Variants in SCLY observed in about 807,000 individuals in gnomAD.
The protein encoded by SCLY is putative selenocysteine lyase.
SCLY carries 38 observed loss-of-function variants against 50.1 expected under a neutral mutation model. The ratio of observed to expected loss-of-function variants is 0.76; its 90% CI spans 0.59 to 0.99. The LOEUF is 0.99. Among genes scored for constraint, SCLY ranks in the 50% least tolerant of loss-of-function variants. The pLI, the probability that SCLY is intolerant of heterozygous loss-of-function variation, is 0.00. For synonymous variants in SCLY, 243 were observed against 249.4 expected (o/e 0.97, Z 0.24); for missense variants, 600 against 620.0 (o/e 0.97, Z 0.34).
At chr2:238,075,577 C>T (rs1159106259) in intron 4 of SCLY, among the ~76,000 whole-genome samples, 5 of 152,114 alleles carry the variant, frequency 3.3e-5, no homozygotes, top group Non-Finnish European at 7.4e-5. Flanking sequence ...TGTTCAGGCT[C>T]TATCTCTTTT....
rs367556253 is a variant in SCLY, at chr2:238,082,120, G to A, written c.688G>A (p.Val230Met). 41 of 1,613,230 alleles carry A rather than the reference G, an allele frequency of 2.5e-5. No homozygotes were observed. The highest frequency in any genetic ancestry group is 1.3e-4 in the Admixed American group (8 of 60,004). ...RVAAGLPPILVHTDAAQALGK... is the reference protein window; with the variant it reads ...RVAAGLPPILMHTDAAQALGK... ...GGCAGCTGGGCTACCTCCCATCCTC[G>A]TGCACACGGATGCTGCACAGGCCTT... Residue 230 changes from valine to methionine, a missense_variant, in exon 6 of 12, where the codon GTG becomes ATG. Val to Met is a conservative substitution (Grantham distance 21). Transcript: ENST00000254663.
At chr2:238,079,529 C>T (rs1382747758) in intron 4 of SCLY, 1 of 152,188 alleles carries the variant, frequency 6.6e-6, no homozygotes, top group Non-Finnish European at 1.5e-5. Context: ...ATTCTGCTCC[C>T]TCCCACCTCC....
chr2:238,098,358 C>T lies in SCLY; in HGVS notation c.*3C>T. On this transcript the variant is annotated 3_prime_UTR_variant, in exon 12 of 12. Coordinates refer to ENST00000254663, the MANE Select transcript of SCLY (RefSeq NM_016510.7). ...CGCAGCTGGAGGACCAGGCCTAGCA[C>T]TGGGGCCGCCTTCCCCACCCCGCTT... The T allele has an allele frequency of 1.3e-6, 2 of 1,585,426 alleles. No homozygotes were observed. Among genetic ancestry groups the T allele is most frequent in the Non-Finnish European group, 1.7e-6 (2 of 1,168,490 alleles).
chr2:238,061,396 CA>C (rs1335805881), intron 1 of SCLY: 1 of 656,970 alleles, frequency 1.5e-6, no homozygotes, highest in African/African-American at 1.8e-5. Flanking sequence ...GTGAGGTTTG[CA>C]GGTTCTGGGG....
intron 8 of SCLY, chr2:238,093,260 G>C (rs549559494): frequency 6.5e-6 from 1 of 154,108 alleles, no homozygotes; most frequent in Admixed American, 6.4e-5. Flanking sequence ...TTTTCCACAC[G>C]GCCACAGAAT....
chr2:238,062,014 G>C (rs897694631), intron 1 of SCLY, among the ~76,000 whole-genome samples: 5 of 152,136 alleles, frequency 3.3e-5, no homozygotes, highest in Admixed American at 3.3e-4. Flanking sequence ...CAAAGTGAAG[G>C]GATCTGGGAA....
chr2:238,096,947 C>G, intron 11 of SCLY, 71 bp downstream of exon 11: 1 of 1,413,896 alleles, frequency 7.1e-7, no homozygotes, highest in Non-Finnish European at 9.6e-7. Flanking sequence ...GGGCAGGCGG[C>G]AGGATCCGGC....
chr2:238,087,563 C>A (rs1471635456), intron 7 of SCLY, among the ~76,000 whole-genome samples: 2 of 152,152 alleles, frequency 1.3e-5, no homozygotes, highest in East Asian at 3.8e-4. Flanking sequence ...TTAGAGAATT[C>A]TATCGAAGAA....
chr2:238,079,593 CAT>C (rs1179195055), intron 4 of SCLY: 8 of 152,236 alleles, frequency 5.3e-5, no homozygotes, highest in Non-Finnish European at 8.8e-5. Context: ...TAATTATATA[CAT>C]GTTATTTTAT....
At position 238,094,434 on chromosome 2, in the gene SCLY, G is replaced by A; in HGVS notation, c.1020G>A (p.Gln340=). The change falls in exon 10 of 12, where the codon CAG becomes CAA. Residue 340 remains glutamine (Q), a synonymous_variant. Transcript: ENST00000254663. ...ATTTTTTTCAGGCTGAATTCGGTCA[G>A]AAGAGAATCCATCTGAATAGCCAGT... ...LEERLEAEFG[Q]KRIHLNSQFP... is the part of the protein sequence containing the mutation. The A allele has an allele frequency of 2.5e-6, 4 of 1,613,998 alleles. No individual in the cohort carries two copies. The highest frequency in any genetic ancestry group is 3.4e-6 in the Non-Finnish European group (4 of 1,179,890).
intron 4 of SCLY, chr2:238,080,207 CT>C (rs1240094407): frequency 1.3e-5 from 2 of 152,172 alleles, no homozygotes; most frequent in Non-Finnish European, 2.9e-5. Context: ...TTCTTTATCT[CT>C]TTAAGTACAG....
rs1313309436 is a variant in SCLY at position 238,067,704 on chromosome 2, C to T, written c.203-361C>T. On this transcript the variant is annotated intron_variant, in intron 2 of 11. Coordinates refer to ENST00000254663, the MANE Select transcript of SCLY (RefSeq NM_016510.7). The surrounding 1 kb of genome is among the most constrained non-coding windows in gnomAD (Gnocchi z 4.3). Reference sequence around the variant, plus strand: ...GCAACTCATTCCATCCTTTCATTCTCCTCTCTTGATGAATGGGAAGCAAGG... The same window carrying T: ...GCAACTCATTCCATCCTTTCATTCTTCTCTCTTGATGAATGGGAAGCAAGG... Among the ~76,000 whole-genome samples the T allele has an allele frequency of 2.0e-5, 3 of 152,232 alleles. No homozygotes were observed. Among genetic ancestry groups the T allele is most frequent in the African/African-American group, 7.2e-5 (3 of 41,464 alleles).
chr2:238,077,919 C>T (rs959121107), intron 4 of SCLY, among the ~76,000 whole-genome samples: 3 of 151,854 alleles, frequency 2.0e-5, no homozygotes, highest in Admixed American at 6.6e-5. Flanking sequence ...GCCCAAGATC[C>T]CTGAACAAGA....
intron 10 of SCLY, 97 bp from the exon 11 acceptor site, chr2:238,096,704 G>T: frequency 7.6e-7 from 1 of 1,312,528 alleles, no homozygotes. Flanking sequence ...TGGCACAGAG[G>T]GAGGGAAGCA....
rs960001642 is a variant in SCLY at position 238,069,512 on chromosome 2, G to A, written c.484+35G>A. On this transcript the variant is annotated intron_variant, in intron 4 of 11. Transcript: ENST00000254663. The surrounding 1 kb of genome is among the most constrained non-coding windows in gnomAD (Gnocchi z 5.0). ...TGCAGGGTGGCCCTGGGACCAGCCT[G>A]CTGAGCTCCAGCTGCGAGGCGGGAA... 1.9e-6 allele frequency: 3 copies of A among 1,559,686 alleles called. No homozygotes were observed. Among genetic ancestry groups the A allele is most frequent in the Non-Finnish European group, 2.6e-6 (3 of 1,154,740 alleles).
At chr2:238,068,278 G>A (rs756550779) in intron 3 of SCLY, 113 bp downstream of exon 3, 10 of 829,068 alleles carry the variant, frequency 1.2e-5, no homozygotes, top group African/African-American at 1.8e-5. Context: ...GCCAAGTGTG[G>A]TGGCTCATGC....
intron 1 of SCLY, 149 bp from the exon 2 acceptor site, chr2:238,064,208 C>A: frequency 2.4e-6 from 1 of 421,838 alleles, no homozygotes; most frequent in Non-Finnish European, 4.2e-6. Flanking sequence ...TTCCCAAGTG[C>A]AGCTTGTGGA....
intron 10 of SCLY, 29 bp from the exon 11 acceptor site, chr2:238,096,772 T>A: frequency 6.3e-7 from 1 of 1,593,318 alleles, no homozygotes; most frequent in East Asian, 2.3e-5. Context: ...TGGAGCCCCA[T>A]CTCAGGGGCA....
chr2:238,098,633 G>GGAACGCCCACATAGGACCGCCCACATA lies in SCLY; in HGVS notation c.*279_*280insAACGCCCACATAGGACCGCCCACATAG. ...ACCGCCCACATGGGACCGCCCACATGGGACCGCCCACATGGGACCGCCCAC... is the reference window on the plus strand; with the variant it reads ...ACCGCCCACATGGGACCGCCCACATGGAACGCCCACATAGGACCGCCCACATAGGACCGCCCACATGGGACCGCCCAC... On this transcript the variant is annotated 3_prime_UTR_variant, in exon 12 of 12. Coordinates refer to ENST00000254663, the MANE Select transcript of SCLY (RefSeq NM_016510.7). 4.5e-6 allele frequency: 1 copy of GGAACGCCCACATAGGACCGCCCACATA among 223,840 alleles called. No homozygotes were observed. Among genetic ancestry groups the GGAACGCCCACATAGGACCGCCCACATA allele is most frequent in the Non-Finnish European group, 8.2e-6 (1 of 122,076 alleles). The allele number at this position is 223,840 out of a possible 1,614,324, so 13.9% of individuals were successfully genotyped here.
Sources: gnomAD v4.1 joint callset for allele counts (sites outside exome capture counted in the v4.1 genomes callset) on GRCh38, gnomAD v4.1.1 for gene constraint, Gnocchi (gnomAD v3.1) non-coding constraint, MANE v1.5 for transcripts, NCBI Gene and HGNC (gene_info 2026-07-23, HGNC 2026-07-21) for gene names.